PARP15: variants seen among roughly 807,000 people sequenced by gnomAD.
The protein encoded by PARP15 is poly(ADP-ribose) polymerase family member 15.
A neutral mutation model predicts 62.1 loss-of-function variants in PARP15; 50 were observed. The observed-to-expected ratio is 0.81, with a 90% CI of 0.64 to 1.02. PARP15 has a LOEUF of 1.02. Ranked by LOEUF, PARP15 falls within the 50% of genes least tolerant of loss-of-function variation. The pLI, the probability that PARP15 is intolerant of heterozygous loss-of-function variation, is 0.00. For synonymous variants in PARP15, 309 were observed against 293.1 expected (o/e 1.05, Z -0.55); for missense variants, 820 against 826.5 (o/e 0.99, Z 0.10).
chr3:122,606,567 A>T (rs1281224027), intron 2 of PARP15, among the ~76,000 whole-genome samples: 1 of 152,070 alleles, frequency 6.6e-6, no homozygotes, highest in Non-Finnish European at 1.5e-5. Flanking sequence ...CCTTGGAATC[A>T]CCAGTTAACA....
intron 8 of PARP15, among the ~76,000 whole-genome samples, chr3:122,626,340 A>C (rs1419244462): frequency 6.6e-6 from 1 of 151,880 alleles, no homozygotes; most frequent in Non-Finnish European, 1.5e-5. Flanking sequence ...CTGGGACTAC[A>C]GGTGCCCGCC....
intron 1 of PARP15, among the ~76,000 whole-genome samples, chr3:122,602,581 T>G (rs1934882473): frequency 6.6e-6 from 1 of 152,234 alleles, no homozygotes; most frequent in Non-Finnish European, 1.5e-5. Context: ...GACCTAATTT[T>G]ATGACTTCTT....
intron 1 of PARP15, among the ~76,000 whole-genome samples, chr3:122,591,733 T>C (rs1256802407): frequency 1.6e-5 from 2 of 123,714 alleles, no homozygotes; most frequent in Non-Finnish European, 3.2e-5. Flanking sequence ...TCCACTGCAC[T>C]CCAGCCTGGT....
intron 8 of PARP15, among the ~76,000 whole-genome samples, chr3:122,622,179 T>A (rs993813249): frequency 6.6e-6 from 1 of 152,218 alleles, no homozygotes; most frequent in African/African-American, 2.4e-5. Context: ...CTTCATTTTT[T>A]CTCCTTGGGG....
intron 9 of PARP15, among the ~76,000 whole-genome samples, chr3:122,630,455 C>G (rs1268886162): frequency 1.3e-5 from 2 of 152,128 alleles, no homozygotes; most frequent in Non-Finnish European, 2.9e-5. Context: ...AAGGCCAAGG[C>G]AGGAGGATTG....
intron 1 of PARP15, among the ~76,000 whole-genome samples, chr3:122,600,729 C>T (rs1206669943): frequency 1.3e-5 from 2 of 151,664 alleles, no homozygotes; most frequent in Non-Finnish European, 2.9e-5. Flanking sequence ...AGAATAAAGT[C>T]GTTATTCATG....
At chr3:122,596,805 A>C (rs1934390446) in intron 1 of PARP15, among the ~76,000 whole-genome samples, 1 of 152,216 alleles carries the variant, frequency 6.6e-6, no homozygotes, top group African/African-American at 2.4e-5. Flanking sequence ...GAAGTGGTGA[A>C]GCCAAAAAGT....
rs570089128 is a variant in PARP15 at position 122,597,434 on chromosome 3, A to T, written c.187-8502A>T. 7.7e-4 allele frequency among the ~76,000 whole-genome samples: 117 copies of T among 152,248 alleles called. 1 individual carries two copies. The highest frequency in any genetic ancestry group is 3.0e-3 in the Admixed American group (46 of 15,286). ...GTGCAGGTTAGTTACATATGTATAC[A>T]TGTGCCATGCTGGTGTACTGCACCC... On this transcript the variant is annotated intron_variant, in intron 1 of 11. Coordinates refer to ENST00000464300, the MANE Select transcript of PARP15 (RefSeq NM_001113523.3).
intron 1 of PARP15, among the ~76,000 whole-genome samples, chr3:122,581,850 G>T (rs2102079): frequency 0.37 from 56,475 of 151,948 alleles, 10,918 homozygotes; most frequent in Admixed American, 0.46. Context: ...TTGGTCCATT[G>T]TTCTATATGT....
chr3:122,615,418 A>G (rs1235381874), intron 4 of PARP15: 3 of 1,284,758 alleles, frequency 2.3e-6, no homozygotes, highest in Non-Finnish European at 3.0e-6. Flanking sequence ...CAAATACTCT[A>G]CACTTCCCTC....
At chr3:122,607,149 T>C (rs1033429439) in intron 2 of PARP15, among the ~76,000 whole-genome samples, 76 of 152,232 alleles carry the variant, frequency 5.0e-4, no homozygotes, top group African/African-American at 1.6e-3. Flanking sequence ...AACACTGGAA[T>C]TGTAATTATT....
Position 122,637,573 on chromosome 3 carries a change from G to A in PARP15, c.*1473G>A, listed in dbSNP as rs1331774430. On this transcript the variant is annotated 3_prime_UTR_variant, in exon 12 of 12. Coordinates refer to ENST00000464300, the MANE Select transcript of PARP15 (RefSeq NM_001113523.3). ...TTGAAGAGTTACAGACATTTAAGAA[G>A]TATTTACATTATCATAAATAAATTA... 2.0e-5 allele frequency: 3 copies of A among 152,088 alleles called. No homozygotes were observed. Among genetic ancestry groups the A allele is most frequent in the African/African-American group, 4.8e-5 (2 of 41,402 alleles). 9.4% of individuals were successfully genotyped at this position (152,088 alleles called of 1,614,324 possible).
At chr3:122,601,992 A>C (rs1934832503) in intron 1 of PARP15, among the ~76,000 whole-genome samples, 1 of 151,658 alleles carries the variant, frequency 6.6e-6, no homozygotes, top group South Asian at 2.1e-4. Context: ...TACTGAGTTT[A>C]CTGCCAATCA....
intron 1 of PARP15, among the ~76,000 whole-genome samples, chr3:122,597,517 C>T (rs759534009): frequency 2.0e-5 from 3 of 152,168 alleles, no homozygotes; most frequent in Non-Finnish European, 4.4e-5. Flanking sequence ...CCGCCTTGGC[C>T]TCCCAAAGTG....
Position 122,617,019 on chromosome 3 carries a change from G to A in PARP15, c.855G>A (p.Val285=). The A allele has an allele frequency of 6.2e-7, 1 of 1,613,994 alleles. No homozygotes were observed. The highest frequency in any genetic ancestry group is 1.1e-5 in the South Asian group (1 of 91,064). The part of the protein sequence containing the change: ...RIPMAGDTQG[V]VGTVSKPCFT... ...ACCTATTTTCTTTCTTTTCAGGTGT[G>A]GTCGGGACTGTCTCTAAGCCTTGTT... The change falls in exon 6 of 12, where the codon GTG becomes GTA. Residue 285 remains valine, a synonymous_variant. Coordinates refer to ENST00000464300, the MANE Select transcript of PARP15 (RefSeq NM_001113523.3).
In PARP15 at chr3:122,577,762, G is replaced by A; in HGVS notation, c.95G>A (p.Arg32Lys). ...LMHGVAGVTS[R>K]AGRDREAGSV... ...CACGGAGTTGCAGGTGTTACTTCCA[G>A]AGCCGGACGAGATCGGGAGGCGGGG... Residue 32 changes from arginine (R) to lysine (K), a missense_variant, in exon 1 of 12, where the codon AGA becomes AAA. Arg to Lys is a conservative substitution (Grantham distance 26). Around this residue, in one of 3 missense-constraint regions of PARP15, gnomAD observed 731 missense variants for 727.7 expected, o/e 1.00. Transcript: ENST00000464300. 2 of 1,551,710 alleles carry A rather than the reference G, an allele frequency of 1.3e-6. No individual in the cohort carries two copies. The highest frequency in any genetic ancestry group is 8.7e-7 in the Non-Finnish European group (1 of 1,146,984).
chr3:122,596,865 A>G (rs1934395850), intron 1 of PARP15, among the ~76,000 whole-genome samples: 1 of 152,234 alleles, frequency 6.6e-6, no homozygotes, highest in African/African-American at 2.4e-5. Flanking sequence ...AAGTCAGAGG[A>G]TAGAAGCAGA....
chr3:122,632,046 G>T (rs1937085261), intron 9 of PARP15, 40 bp from the exon 10 acceptor site: 1 of 1,613,346 alleles, frequency 6.2e-7, no homozygotes, highest in African/African-American at 1.3e-5. Flanking sequence ...GAGGTCTTTG[G>T]AAATGAATGT....
rs1160201242 is a variant in PARP15, at chr3:122,636,696, A to G, written c.*596A>G. 1 of 153,244 alleles carries G rather than the reference A, an allele frequency of 6.5e-6. No homozygotes were observed. The highest frequency in any genetic ancestry group is 2.4e-5 in the African/African-American group (1 of 41,424). 9.5% of individuals were successfully genotyped at this position (153,244 alleles called of 1,614,324 possible). On this transcript the variant is annotated 3_prime_UTR_variant, in exon 12 of 12. Coordinates refer to ENST00000464300, the MANE Select transcript of PARP15 (RefSeq NM_001113523.3). ...TAAAAAATTACCCCCAATTTTAGTG[A>G]CTTAATCCCACACAGTCTTTATGGG...
Sources: gnomAD v4.1 joint callset for allele counts (sites outside exome capture counted in the v4.1 genomes callset) on GRCh38, gnomAD v4.1.1 for gene constraint, gnomAD v4.1.1 regional missense constraint, MANE v1.5 for transcripts, NCBI Gene and HGNC (gene_info 2026-07-23, HGNC 2026-07-21) for gene names.